Variants in NUP62CL observed in about 807,000 individuals in gnomAD.
NUP62CL encodes nucleoporin-62 C-terminal-like protein.
Under a neutral mutation model 15.3 loss-of-function variants are expected in NUP62CL, and 13 were observed. That is an observed-to-expected ratio of 0.85 (90% CI 0.55 to 1.35). The LOEUF (loss-of-function observed/expected upper bound fraction) is 1.35, where lower values mean the gene tolerates loss of function less well. NUP62CL is among the 40% of genes most tolerant of loss of function. The pLI is 0.00. For synonymous variants in NUP62CL, 54 were observed against 49.2 expected, an observed-to-expected ratio of 1.10 and a Z score of -0.41; for missense variants, 123 against 130.6, an observed-to-expected ratio of 0.94 and a Z score of 0.28.
At chrX:107,192,628 G>A (rs1927270188) in intron 2 of NUP62CL, among the ~76,000 whole-genome samples, 1 of 111,845 alleles carries the variant, frequency 8.9e-6, no homozygotes, top group Non-Finnish European at 1.9e-5. Flanking sequence ...CAATCCACCT[G>A]CTTTGGCCTC....
intron 2 of NUP62CL, among the ~76,000 whole-genome samples, chrX:107,184,982 C>A (rs986188116): frequency 2.7e-5 from 3 of 110,572 alleles, no homozygotes; most frequent in Admixed American, 1.9e-4. Flanking sequence ...TCACAGCTAA[C>A]GAAAATATCC....
chrX:107,203,983 T>G (rs2147820796), intron 1 of NUP62CL, among the ~76,000 whole-genome samples: 1 of 112,158 alleles, frequency 8.9e-6, no homozygotes, highest in Non-Finnish European at 1.9e-5. Flanking sequence ...AAAAATATTT[T>G]AGATCTCTCA....
At chrX:107,162,490 A>G (rs147275198) in intron 4 of NUP62CL, among the ~76,000 whole-genome samples, 2,139 of 111,682 alleles carry the variant, frequency 0.019, 66 homozygotes, top group African/African-American at 0.065. Flanking sequence ...ACCAGAAAGA[A>G]AAAAATGCAT....
At chrX:107,161,223 G>A (rs1172905100) in intron 4 of NUP62CL, among the ~76,000 whole-genome samples, 1 of 98,563 alleles carries the variant, frequency 1.0e-5, no homozygotes, top group African/African-American at 3.7e-5. Flanking sequence ...AGTCAGTGTG[G>A]CGATTCCTCA....
rs959494862 is a variant in NUP62CL, at chrX:107,190,850, G to A, written c.-48+2179C>T. The stretch of plus-strand genomic sequence containing the variant: ...ATTGAAACTGGTGCTCCCAGTCTGA[G>A]GTGTGCCTCCACCGATGAATGAGAA... On this transcript the variant is annotated intron_variant, in intron 2 of 8. Transcript: ENST00000372466. 4.6e-5 allele frequency among the ~76,000 whole-genome samples: 5 copies of A among 109,686 alleles called. No homozygotes were observed. In the Admixed American group the frequency reaches 4.9e-4, roughly 11 times the overall value.
intron 4 of NUP62CL, among the ~76,000 whole-genome samples, chrX:107,159,977 T>C (rs1316370058): frequency 9.4e-6 from 1 of 106,804 alleles, no homozygotes; most frequent in Non-Finnish European, 1.9e-5. Flanking sequence ...AGTATTCCTA[T>C]ACACCAACAA....
chrX:107,139,343 G>A (rs1237843400), intron 8 of NUP62CL, among the ~76,000 whole-genome samples: 1 of 111,726 alleles, frequency 9.0e-6, no homozygotes, highest in East Asian at 2.8e-4. Flanking sequence ...GGGGAAATCT[G>A]AAGTAGATTA....
At chrX:107,175,060 C>G in intron 3 of NUP62CL, 29 bp downstream of exon 3, 1 of 1,104,726 alleles carries the variant, frequency 9.1e-7, no homozygotes, top group Non-Finnish European at 1.2e-6. Flanking sequence ...TGGGAAATAA[C>G]AGTATTTTCT....
intron 5 of NUP62CL, 96 bp from the exon 6 acceptor site, chrX:107,153,599 A>G (rs1926101935): frequency 1.3e-5 from 7 of 532,002 alleles, no homozygotes; most frequent in Non-Finnish European, 1.5e-5. Flanking sequence ...TTCAAATATG[A>G]AAGATTTCCT....
intron 1 of NUP62CL, among the ~76,000 whole-genome samples, chrX:107,200,480 G>A (rs746546933): frequency 7.5e-4 from 82 of 109,670 alleles, no homozygotes; most frequent in Non-Finnish European, 1.4e-3. Flanking sequence ...TTAGTCAGGC[G>A]TGGTGGTGAG....
intron 6 of NUP62CL, 50 bp from the exon 7 acceptor site, chrX:107,153,356 CAAAA>C: frequency 9.0e-7 from 1 of 1,116,095 alleles, no homozygotes; most frequent in Non-Finnish European, 1.2e-6. Flanking sequence ...TTTGGAGTGA[CAAAA>C]AGAAAAGAGT....
chrX:107,197,213 T>A (rs1927377915), intron 1 of NUP62CL, among the ~76,000 whole-genome samples: 1 of 112,116 alleles, frequency 8.9e-6, no homozygotes. Flanking sequence ...GGCGTGGAAG[T>A]TACATATTCT....
At chrX:107,146,905 C>A (rs998281092) in intron 8 of NUP62CL, among the ~76,000 whole-genome samples, 1 of 111,267 alleles carries the variant, frequency 9.0e-6, no homozygotes, top group African/African-American at 3.3e-5. Context: ...GACTTGGTTC[C>A]TTTTAGTGTG....
intron 3 of NUP62CL, among the ~76,000 whole-genome samples, chrX:107,170,769 A>T (rs889134301): frequency 7.1e-5 from 8 of 112,259 alleles, no homozygotes; most frequent in African/African-American, 2.6e-4. Context: ...TTTTAAAGGC[A>T]TAAATTAACT....
intron 8 of NUP62CL, chrX:107,131,829 T>G (rs1425818141): frequency 1.8e-6 from 2 of 1,093,239 alleles, no homozygotes; most frequent in Non-Finnish European, 2.5e-6. Context: ...CTGGGGAGTA[T>G]GAAGACACTC....
intron 4 of NUP62CL, among the ~76,000 whole-genome samples, chrX:107,163,072 A>G (rs142284354): frequency 0.01 from 1,138 of 111,623 alleles, 7 homozygotes; most frequent in Non-Finnish European, 0.016. Flanking sequence ...GATATAAAGT[A>G]AGGAATATCA....
At chrX:107,174,029 TTC>T (rs1569362288) in intron 3 of NUP62CL, among the ~76,000 whole-genome samples, 1 of 104,138 alleles carries the variant, frequency 9.6e-6, no homozygotes, top group African/African-American at 3.6e-5. Flanking sequence ...TTTCTTTTTT[TTC>T]TTTCTTTCTC....
At chrX:107,200,611 T>C (rs1927457567) in intron 1 of NUP62CL, among the ~76,000 whole-genome samples, 1 of 102,258 alleles carries the variant, frequency 9.8e-6, no homozygotes, top group Non-Finnish European at 2.0e-5. Context: ...AGAGCGAGAT[T>C]CCGTCTCAAA....
At chrX:107,135,730 A>G (rs1179190963) in intron 8 of NUP62CL, among the ~76,000 whole-genome samples, 2 of 111,572 alleles carry the variant, frequency 1.8e-5, no homozygotes, top group Admixed American at 1.9e-4. Flanking sequence ...AGGAGAATGC[A>G]GTAGTCCTCC....
Sources: gnomAD v4.1 joint callset for allele counts (sites outside exome capture counted in the v4.1 genomes callset) on GRCh38, gnomAD v4.1.1 for gene constraint, MANE v1.5 for transcripts, NCBI Gene and HGNC (gene_info 2026-07-23, HGNC 2026-07-21) for gene names.